The following ST8SIA6 variants were observed in gnomAD, a reference collection of about 807,000 sequenced individuals.
The protein encoded by ST8SIA6 is ST8 alpha-N-acetyl-neuraminide alpha-2,8-sialyltransferase 6.
A neutral mutation model predicts 33.6 loss-of-function variants in ST8SIA6; 39 were observed. The observed-to-expected ratio is 1.16, with a 90% confidence interval of 0.90 to 1.52. ST8SIA6 has a LOEUF of 1.52. Among genes scored for constraint, ST8SIA6 ranks in the 40% most tolerant of loss-of-function variants. The pLI, the probability that ST8SIA6 is intolerant of heterozygous loss-of-function variation, is 0.00. For synonymous variants in ST8SIA6, 172 were observed against 167.2 expected (o/e 1.03, Z -0.22); for missense variants, 441 against 443.8 (o/e 0.99, Z 0.06).
chr10:17,425,647 A>G (rs1346303115), intron 2 of ST8SIA6, among the ~76,000 whole-genome samples: 4 of 148,776 alleles, frequency 2.7e-5, no homozygotes, highest in African/African-American at 4.9e-5. Context: ...GGAAGAAAGG[A>G]GGGAGGGAGG....
Position 17,321,217 on chromosome 10 carries a change from C to T in ST8SIA6, c.858G>A (p.Thr286=), listed in dbSNP as rs748390143. Residue 286 remains threonine (T), a synonymous_variant, in exon 8 of 8, where the codon ACG becomes ACA. Coordinates refer to ENST00000377602, the MANE Select transcript of ST8SIA6 (RefSeq NM_001004470.3). ...TTTGTCTTGCTTTAGACTCTTCGAG[C>T]GTGTAGTATACTTTGAAAGAGGTAC... ...NTGTSFKVYY[T]LEESKARQKV... is the part of the protein sequence containing the mutation. 5.6e-6 allele frequency: 9 copies of T among 1,613,978 alleles called. No homozygotes were observed. Among genetic ancestry groups the T allele is most frequent in the East Asian group, 4.5e-5 (2 of 44,878 alleles).
chr10:17,435,146 T>A (rs1416257921), intron 2 of ST8SIA6, among the ~76,000 whole-genome samples: 2 of 152,214 alleles, frequency 1.3e-5, no homozygotes, highest in Non-Finnish European at 1.5e-5. Flanking sequence ...TAAGTTTGAC[T>A]TCGTAATCTG....
chr10:17,417,229 T>C (rs1007023207), intron 2 of ST8SIA6, among the ~76,000 whole-genome samples: 1 of 152,050 alleles, frequency 6.6e-6, no homozygotes, highest in Admixed American at 6.6e-5. Flanking sequence ...ACTCACTCAT[T>C]ACTGCCGAGA....
At chr10:17,391,739 A>T (rs1284466820) in intron 2 of ST8SIA6, among the ~76,000 whole-genome samples, 1 of 152,190 alleles carries the variant, frequency 6.6e-6, no homozygotes, top group African/African-American at 2.4e-5. Flanking sequence ...AAAGAAAAAA[A>T]ATCTGAAGTC....
intron 3 of ST8SIA6, among the ~76,000 whole-genome samples, chr10:17,385,348 C>A (rs1264821224): frequency 6.6e-6 from 1 of 152,164 alleles, no homozygotes; most frequent in Non-Finnish European, 1.5e-5. Flanking sequence ...CCAGACTAAA[C>A]CAATTACTTC....
chr10:17,330,364 T>C (rs1848257660), intron 5 of ST8SIA6, among the ~76,000 whole-genome samples: 1 of 152,156 alleles, frequency 6.6e-6, no homozygotes, highest in South Asian at 2.1e-4. Context: ...CTTTCCCTGA[T>C]AGGAAAGATA....
chr10:17,374,747 T>TAAAA (rs1236129508), intron 3 of ST8SIA6, among the ~76,000 whole-genome samples: 3 of 89,778 alleles, frequency 3.3e-5, no homozygotes, highest in South Asian at 4.3e-4. Flanking sequence ...AATAAATAAA[T>TAAAA]AATAAATATA....
chr10:17,415,056 G>A (rs1033026041), intron 2 of ST8SIA6, among the ~76,000 whole-genome samples: 3 of 151,652 alleles, frequency 2.0e-5, no homozygotes, highest in African/African-American at 4.8e-5. Flanking sequence ...ACACAAACAC[G>A]CTCCTCCCTT....
intron 2 of ST8SIA6, among the ~76,000 whole-genome samples, chr10:17,402,153 A>G (rs1851068875): frequency 6.6e-6 from 1 of 152,352 alleles, no homozygotes; most frequent in South Asian, 2.1e-4. Context: ...GAAGACATTT[A>G]TGCAGCCAAC....
chr10:17,417,735 T>A (rs1356018767), intron 2 of ST8SIA6, among the ~76,000 whole-genome samples: 1 of 152,188 alleles, frequency 6.6e-6, no homozygotes, highest in Non-Finnish European at 1.5e-5. Flanking sequence ...TCTCCTTTTG[T>A]TCCTGCCCCA....
At chr10:17,416,098 G>A (rs190356852) in intron 2 of ST8SIA6, among the ~76,000 whole-genome samples, 1 of 152,050 alleles carries the variant, frequency 6.6e-6, no homozygotes, top group East Asian at 1.9e-4. Flanking sequence ...GTGAGCCACT[G>A]TACTGGGCCG....
chr10:17,372,530 A>T (rs577377733), intron 3 of ST8SIA6, among the ~76,000 whole-genome samples: 8 of 152,356 alleles, frequency 5.3e-5, no homozygotes, highest in African/African-American at 1.9e-4. Flanking sequence ...TAAAATTAAA[A>T]TAGTAAAACC....
At chr10:17,357,216 C>T (rs1849226843) in intron 4 of ST8SIA6, among the ~76,000 whole-genome samples, 1 of 151,920 alleles carries the variant, frequency 6.6e-6, no homozygotes, top group African/African-American at 2.4e-5. Context: ...ACCTCTGCCT[C>T]CTGAGTTCAA....
chr10:17,334,018 GTT>G (rs927696048), intron 4 of ST8SIA6, among the ~76,000 whole-genome samples: 2 of 144,202 alleles, frequency 1.4e-5, no homozygotes, highest in African/African-American at 2.5e-5. Context: ...ACTGCACCTG[GTT>G]TTTTTTTTTA....
At chr10:17,363,067 A>T (rs1438306475) in intron 3 of ST8SIA6, among the ~76,000 whole-genome samples, 1 of 152,300 alleles carries the variant, frequency 6.6e-6, no homozygotes, top group Non-Finnish European at 1.5e-5. Flanking sequence ...ACTATTCTGA[A>T]TAAGCTCAAA....
chr10:17,348,628 C>G (rs147816231), intron 4 of ST8SIA6, among the ~76,000 whole-genome samples: 2 of 152,154 alleles, frequency 1.3e-5, no homozygotes, highest in Non-Finnish European at 2.9e-5. Context: ...CCTAACTGCT[C>G]CCAGAAAGCC....
At chr10:17,418,454 T>C (rs1851669238) in intron 2 of ST8SIA6, among the ~76,000 whole-genome samples, 1 of 151,984 alleles carries the variant, frequency 6.6e-6, no homozygotes, top group Non-Finnish European at 1.5e-5. Flanking sequence ...CTGAATGCCA[T>C]GGGCCTGTGA....
chr10:17,333,686 T>TAG (rs1564404766), intron 4 of ST8SIA6, among the ~76,000 whole-genome samples: 2,271 of 19,244 alleles, frequency 0.12, 144 homozygotes, highest in African/African-American at 0.19. Flanking sequence ...TATATATATA[T>TAG]ATATATATAT....
chr10:17,355,544 C>T lies in ST8SIA6; in HGVS notation c.377+3970G>A, dbSNP rs779982318. Reference sequence around the variant, plus strand: ...TCTCTCTTGATATTTTCATAGCTACCGTTGATGTTGTAGTTGGTCACCATT... The same window carrying T: ...TCTCTCTTGATATTTTCATAGCTACTGTTGATGTTGTAGTTGGTCACCATT... On this transcript the variant is annotated intron_variant, in intron 4 of 7. Transcript: ENST00000377602. Among the ~76,000 whole-genome samples, 9 of 152,116 alleles carry T rather than the reference C, an allele frequency of 5.9e-5. 1 individual carries two copies. The highest frequency in any genetic ancestry group is 1.3e-4 in the Non-Finnish European group (9 of 68,024).
Sources: gnomAD v4.1 joint callset for allele counts (sites outside exome capture counted in the v4.1 genomes callset) on GRCh38, gnomAD v4.1.1 for gene constraint, MANE v1.5 for transcripts, NCBI Gene and HGNC (gene_info 2026-07-23, HGNC 2026-07-21) for gene names.